Variants in HERC5 observed in about 807,000 individuals in gnomAD.
The protein encoded by HERC5 is HECT and RLD domain containing E3 ubiquitin protein ligase 5, also known as E3 ISG15--protein ligase HERC5.
Under a neutral mutation model 119.6 loss-of-function variants are expected in HERC5, and 99 were observed. The observed-to-expected ratio is 0.83, with a 90% CI of 0.70 to 0.98. The LOEUF (loss-of-function observed/expected upper bound fraction) is 0.98. Among genes scored for constraint, HERC5 ranks in the 50% least tolerant of loss-of-function variants. HERC5 has a pLI of 0.00. For synonymous variants in HERC5, 478 were observed against 445.9 expected (o/e 1.07, Z -0.91); for missense variants, 1,267 against 1,241.3 (o/e 1.02, Z -0.31).
chr4:88,500,041 C>A, intron 19 of HERC5, 49 bp downstream of exon 19: 2 of 1,122,570 alleles, frequency 1.8e-6, no homozygotes, highest in Non-Finnish European at 2.6e-6. Context: ...TCTGATTAAC[C>A]CTTTACATAT....
In HERC5 at chr4:88,505,639, A is replaced by G. The variant is rs1351524312; in HGVS notation, c.2870-34A>G. 2.3e-6 allele frequency: 3 copies of G among 1,310,068 alleles called. No individual in the cohort carries two copies. In the African/African-American group the frequency reaches 4.5e-5, roughly 19 times the overall value. 81.2% of individuals were successfully genotyped at this position (1,310,068 alleles called of 1,614,324 possible). On this transcript the variant is annotated intron_variant, in intron 22 of 22. Transcript: ENST00000264350. ...TGTAAAGAGATTTTGGTCTCCATGT[A>G]AAACAGATTGCCTAATTTTATTCTT... is the stretch of plus-strand genomic sequence containing the variant.
At chr4:88,461,079 A>G (rs1740424263) in intron 3 of HERC5, among the ~76,000 whole-genome samples, 1 of 152,230 alleles carries the variant, frequency 6.6e-6, no homozygotes, top group Non-Finnish European at 1.5e-5. Context: ...TTTTGTTAAT[A>G]TATAGGACAG....
chr4:88,483,519 CTTTTTTT>C (rs1162985782), intron 13 of HERC5, among the ~76,000 whole-genome samples: 1 of 83,180 alleles, frequency 1.2e-5, no homozygotes, highest in Non-Finnish European at 2.3e-5. Context: ...GCTCTATAGG[CTTTTTTT>C]TTTTTTTTTT....
chr4:88,505,184 C>T (rs1742068477), intron 22 of HERC5, among the ~76,000 whole-genome samples: 1 of 152,190 alleles, frequency 6.6e-6, no homozygotes, highest in South Asian at 2.1e-4. Flanking sequence ...CACTCCTGAG[C>T]TCACCTTGCA....
chr4:88,462,269 G>A lies in HERC5; in HGVS notation c.601G>A (p.Ala201Thr), dbSNP rs1249916090. ...VPLAQISAGE[A>T]HSMALSMSGN... ...CTTGGCTCAGATTTCTGCCGGAGAAGCCCACAGCATGGCCTTATCCATGTC... is the reference window on the plus strand; with the variant it reads ...CTTGGCTCAGATTTCTGCCGGAGAAACCCACAGCATGGCCTTATCCATGTC... Residue 201 changes from alanine to threonine, a missense_variant, in exon 4 of 23, where the codon GCC (alanine) becomes ACC (threonine). Coordinates refer to ENST00000264350, the MANE Select transcript of HERC5 (RefSeq NM_016323.4). 4 of 1,614,194 alleles carry A rather than the reference G, an allele frequency of 2.5e-6. No individual in the cohort carries two copies. In the Admixed American group the frequency reaches 6.7e-5, roughly 27 times the overall value.
chr4:88,461,370 T>C (rs1324699424), intron 3 of HERC5, among the ~76,000 whole-genome samples: 3 of 152,174 alleles, frequency 2.0e-5, no homozygotes, highest in Non-Finnish European at 4.4e-5. Flanking sequence ...TTATTACTAG[T>C]AAATCACAGT....
At chr4:88,472,693 C>T (rs866604586) in intron 11 of HERC5, among the ~76,000 whole-genome samples, 191 bp downstream of exon 11, 11 of 152,186 alleles carry the variant, frequency 7.2e-5, no homozygotes, top group African/African-American at 9.7e-5. Context: ...AGTAGTCACA[C>T]AGGTTACAGA....
intron 13 of HERC5, among the ~76,000 whole-genome samples, chr4:88,480,467 G>T (rs1741244242): frequency 6.6e-6 from 1 of 151,328 alleles, no homozygotes. Flanking sequence ...GTCTTGTTGG[G>T]AGTTCCTCTA....
rs1426022418 is a variant in HERC5, at chr4:88,489,273, G to A, written c.2070G>A (p.Leu690=). ...TFDLTVRRNH[L]IEDVLNQLSQ... ...ATCTAACAGTCAGAAGGAATCACTT[G>A]ATTGAGGATGTTTTGAATCAGCTAA... Residue 690 remains leucine, a synonymous_variant, in exon 16 of 23, where the codon TTG becomes TTA. Transcript: ENST00000264350. 3 of 1,614,012 alleles carry A rather than the reference G, an allele frequency of 1.9e-6. No individual in the cohort carries two copies. The highest frequency in any genetic ancestry group is 2.5e-6 in the Non-Finnish European group (3 of 1,179,898).
chr4:88,472,813 T>A (rs1286364633), intron 11 of HERC5, among the ~76,000 whole-genome samples: 1 of 152,172 alleles, frequency 6.6e-6, no homozygotes, highest in Non-Finnish European at 1.5e-5. Flanking sequence ...AAGGATTTGT[T>A]GAGATTGGTA....
intron 11 of HERC5, among the ~76,000 whole-genome samples, chr4:88,472,765 A>C (rs1740918612): frequency 6.6e-6 from 1 of 152,220 alleles, no homozygotes. Context: ...ACATTCGTAG[A>C]GGGAAGTTTT....
chr4:88,478,234 G>A (rs1020554040), intron 12 of HERC5, among the ~76,000 whole-genome samples: 1 of 152,102 alleles, frequency 6.6e-6, no homozygotes, highest in East Asian at 1.9e-4. Flanking sequence ...AATAGTAATT[G>A]TATTTATTCA....
In HERC5 at chr4:88,457,240, C is replaced by T; in HGVS notation, c.-30C>T. On this transcript the variant is annotated 5_prime_UTR_variant, in exon 1 of 23. Coordinates refer to ENST00000264350, the MANE Select transcript of HERC5 (RefSeq NM_016323.4). ...CGGGACCAGGCGTTCTCTCCTCTCG[C>T]CTCTGGGCCTGGGACCCCGCAAAGC... The T allele has an allele frequency of 4.6e-6, 6 of 1,307,036 alleles. No homozygotes were observed. Among genetic ancestry groups the T allele is most frequent in the Non-Finnish European group, 5.8e-6 (6 of 1,027,176 alleles). 81.0% of individuals were successfully genotyped at this position (1,307,036 alleles called of 1,614,324 possible).
At position 88,499,959 on chromosome 4, in the gene HERC5, T is replaced by G; in HGVS notation, c.2478T>G (p.Asp826Glu). ...NLQTLLDDEG[D>E]NFEEVFYIHF... is the part of the protein sequence containing the mutation. ...AAACACTTCTGGATGATGAAGGTGA[T>G]AACTTTGAGGAAGTATTTTACATCC... The change falls in exon 19 of 23, where the codon GAT becomes GAG. Residue 826 changes from aspartate to glutamate, a missense_variant. By Grantham distance (45) the Asp-to-Glu change is conservative. This residue lies in a region of HERC5 where 473 missense variants were observed against 445.7 expected (regional missense o/e 1.06). Transcript: ENST00000264350. 6.2e-7 allele frequency: 1 copy of G among 1,608,920 alleles called. No homozygotes were observed.
chr4:88,477,885 T>C (rs1036661768), intron 12 of HERC5, among the ~76,000 whole-genome samples: 11 of 152,258 alleles, frequency 7.2e-5, no homozygotes, highest in African/African-American at 2.2e-4. Flanking sequence ...TGCTGAAATA[T>C]GTTTTCTGTA....
At chr4:88,461,091 T>A (rs1740424746) in intron 3 of HERC5, among the ~76,000 whole-genome samples, 2 of 152,212 alleles carry the variant, frequency 1.3e-5, no homozygotes, top group African/African-American at 4.8e-5. Context: ...ATAGGACAGA[T>A]GTAAACATGT....
chr4:88,492,877 T>C, intron 16 of HERC5, 135 bp from the exon 17 acceptor site: 1 of 667,112 alleles, frequency 1.5e-6, no homozygotes, highest in Non-Finnish European at 2.5e-6. Context: ...ATAATATAAG[T>C]AGGATACTTA....
chr4:88,463,305 T>G (rs2149085643), intron 4 of HERC5, among the ~76,000 whole-genome samples: 1 of 152,336 alleles, frequency 6.6e-6, no homozygotes, highest in Middle Eastern at 3.4e-3. Flanking sequence ...GGGAAGTGGT[T>G]TGACCCTTTC....
chr4:88,464,471 A>T (rs1740575538), intron 6 of HERC5, among the ~76,000 whole-genome samples: 1 of 152,168 alleles, frequency 6.6e-6, no homozygotes, highest in African/African-American at 2.4e-5. Context: ...AATATTCCTA[A>T]GAAGTTTAAT....
Sources: gnomAD v4.1 joint callset for allele counts (sites outside exome capture counted in the v4.1 genomes callset) on GRCh38, gnomAD v4.1.1 for gene constraint, gnomAD v4.1.1 regional missense constraint, MANE v1.5 for transcripts, NCBI Gene and HGNC (gene_info 2026-07-23, HGNC 2026-07-21) for gene names.